Variants in ATG4A observed in about 807,000 individuals in gnomAD.
ATG4A encodes the protein autophagy related 4A cysteine peptidase.
A neutral mutation model predicts 38.4 loss-of-function variants in ATG4A; 22 were observed. The ratio of observed to expected loss-of-function variants is 0.57; its 90% confidence interval spans 0.41 to 0.82. The LOEUF (loss-of-function observed/expected upper bound fraction) is 0.82, where lower values mean the gene tolerates loss of function less well. Among genes scored for constraint, ATG4A ranks in the 40% least tolerant of loss-of-function variants. ATG4A has a pLI of 0.00. For synonymous variants in ATG4A, 86 were observed against 100.7 expected, an observed-to-expected ratio of 0.85 and a Z score of 0.88; for missense variants, 220 against 290.0, an observed-to-expected ratio of 0.76 and a Z score of 1.75.
intron 4 of ATG4A, among the ~76,000 whole-genome samples, chrX:108,131,584 C>T (rs1222186007): frequency 1.8e-5 from 2 of 112,062 alleles, no homozygotes; most frequent in Non-Finnish European, 3.8e-5. Flanking sequence ...GAGTTATTTT[C>T]CTGGGACAGA....
rs373288667 is a variant in ATG4A, at chrX:108,107,727, C to A, written c.10+15891C>A. 8.1e-5 allele frequency among the ~76,000 whole-genome samples: 9 copies of A among 111,593 alleles called. 1 individual carries two copies. Among genetic ancestry groups the A allele is most frequent in the African/African-American group, 2.9e-4 (9 of 30,682 alleles). ...GAAAGGTGGGAGTCAAGGTTCCTCA[C>A]TCACCATCCATTGATACCCAGGGTA... On this transcript the variant is annotated intron_variant, in intron 1 of 12. Coordinates refer to ENST00000372232, the MANE Select transcript of ATG4A (RefSeq NM_052936.5).
intron 9 of ATG4A, among the ~76,000 whole-genome samples, chrX:108,141,030 A>G (rs1400136564): frequency 2.7e-5 from 2 of 74,865 alleles, no homozygotes; most frequent in Non-Finnish European, 4.5e-5. Context: ...ACATATATAT[A>G]CATATATACA....
In ATG4A at chrX:108,120,886, T is replaced by C. The variant is rs142427018; in HGVS notation, c.11-5191T>C. Among the ~76,000 whole-genome samples, 992 of 112,336 alleles carry C rather than the reference T, an allele frequency of 8.8e-3. 8 individuals are homozygous for C. The highest frequency in any genetic ancestry group is 0.023 in the South Asian group (62 of 2,702). On this transcript the variant is annotated intron_variant, in intron 1 of 12. Transcript: ENST00000372232. ...AAGGATAACTCTTTGGTTAAGATTC[T>C]CTAATGTAAGTTTGAAAATTTCACT...
intron 1 of ATG4A, among the ~76,000 whole-genome samples, chrX:108,096,340 A>C (rs776480597): frequency 8.9e-6 from 1 of 112,695 alleles, no homozygotes; most frequent in African/African-American, 3.2e-5. Context: ...CCAACCATTT[A>C]AAATTATGAG....
At chrX:108,134,775 A>G (rs1258859765) in intron 6 of ATG4A, among the ~76,000 whole-genome samples, 1 of 111,969 alleles carries the variant, frequency 8.9e-6, no homozygotes, top group Non-Finnish European at 1.9e-5. Context: ...TAAGCAAGAA[A>G]TGGACCCCCA....
At chrX:108,129,294 A>G (rs1311551363) in intron 3 of ATG4A, among the ~76,000 whole-genome samples, 3 of 112,108 alleles carry the variant, frequency 2.7e-5, no homozygotes, top group Non-Finnish European at 5.6e-5. Flanking sequence ...CTTGCCATTG[A>G]GAGACAAATT....
intron 11 of ATG4A, 97 bp downstream of exon 11, chrX:108,151,955 A>G: frequency 1.3e-6 from 1 of 780,959 alleles, no homozygotes; most frequent in Non-Finnish European, 1.9e-6. Flanking sequence ...TCCTACTCTG[A>G]TACGACTTTA....
rs1261681147 is a variant in ATG4A, at chrX:108,140,578, TA to T, written c.814+2388del. Among the ~76,000 whole-genome samples, 697 of 104,406 alleles carry T rather than the reference TA, an allele frequency of 6.7e-3. 3 individuals carry two copies. The highest frequency in any genetic ancestry group is 0.012 in the Non-Finnish European group (603 of 51,718). The allele number at this position is 104,406 out of a possible 115,157, so 90.7% of individuals were successfully genotyped here. On this transcript the variant is annotated intron_variant, in intron 9 of 12. Transcript: ENST00000372232. ...ACACACACACACACACATTTATACA[TA>T]TATATACATATATATACATTATATA... is the stretch of plus-strand genomic sequence containing the variant.
At chrX:108,099,885 A>G (rs2031950628) in intron 1 of ATG4A, among the ~76,000 whole-genome samples, 1 of 111,846 alleles carries the variant, frequency 8.9e-6, no homozygotes, top group Non-Finnish European at 1.9e-5. Flanking sequence ...TCTATAATAA[A>G]TCTTAAAATT....
chrX:108,128,347 G>A (rs767858144), intron 2 of ATG4A, among the ~76,000 whole-genome samples: 11 of 111,465 alleles, frequency 9.9e-5, no homozygotes, highest in African/African-American at 3.6e-4. Context: ...TTACAGGTGT[G>A]AGTCGCTGGG....
At chrX:108,135,709 G>A (rs1441805740) in intron 6 of ATG4A, among the ~76,000 whole-genome samples, 1 of 111,284 alleles carries the variant, frequency 9.0e-6, no homozygotes, top group East Asian at 2.8e-4. Context: ...GAAATGGTTG[G>A]TGTTAAAATA....
intron 4 of ATG4A, among the ~76,000 whole-genome samples, chrX:108,132,090 T>C (rs748544580): frequency 9.0e-6 from 1 of 111,102 alleles, no homozygotes; most frequent in Admixed American, 9.5e-5. Flanking sequence ...GTAGAGATGG[T>C]GTTTTGCCAT....
At chrX:108,118,900 T>G (rs1375551781) in intron 1 of ATG4A, among the ~76,000 whole-genome samples, 3 of 112,387 alleles carry the variant, frequency 2.7e-5, no homozygotes, top group Admixed American at 1.9e-4. Flanking sequence ...CTCTTTTACA[T>G]AAGGTTCCTA....
chrX:108,113,983 G>T (rs1466686645), intron 1 of ATG4A, among the ~76,000 whole-genome samples: 1 of 111,870 alleles, frequency 8.9e-6, no homozygotes, highest in African/African-American at 3.3e-5. Context: ...TAGAACTTTG[G>T]CTAGAGATGC....
intron 2 of ATG4A, chrX:108,126,672 A>T: frequency 1.3e-6 from 1 of 788,917 alleles, no homozygotes; most frequent in Non-Finnish European, 1.7e-6. Context: ...CTTAAGTTTT[A>T]GATCTTTTGC....
intron 7 of ATG4A, 79 bp from the exon 8 acceptor site, chrX:108,137,725 C>T: frequency 6.1e-6 from 6 of 984,369 alleles, no homozygotes; most frequent in Non-Finnish European, 8.2e-6. Flanking sequence ...ATGTGAGGTT[C>T]CCCTTAGTTT....
intron 4 of ATG4A, among the ~76,000 whole-genome samples, chrX:108,133,633 A>T (rs1242029778): frequency 8.9e-6 from 1 of 112,376 alleles, no homozygotes; most frequent in Non-Finnish European, 1.9e-5. Flanking sequence ...AATGCTGCCA[A>T]AATATAAGAG....
intron 9 of ATG4A, among the ~76,000 whole-genome samples, chrX:108,139,737 A>G (rs371569324): frequency 8.9e-6 from 1 of 111,959 alleles, no homozygotes; most frequent in African/African-American, 3.2e-5. Flanking sequence ...CTATAACAGA[A>G]TAGTATAGAC....
intron 6 of ATG4A, 143 bp from the exon 7 acceptor site, chrX:108,136,948 A>G (rs2033121469): frequency 2.6e-6 from 1 of 380,350 alleles, no homozygotes; most frequent in Admixed American, 4.4e-5. Context: ...GAGCTCTGGC[A>G]AAGAAGCCAG....
Sources: allele counts gnomAD v4.1 joint callset (sites outside exome capture counted in the v4.1 genomes callset), GRCh38; gene constraint gnomAD v4.1.1; transcripts MANE v1.5; gene names NCBI Gene and HGNC (gene_info 2026-07-23, HGNC 2026-07-21).